Variants in CHKA observed in about 807,000 individuals in gnomAD.
CHKA encodes the protein choline kinase alpha, also known as CHETK-alpha.
In CHKA, 34 loss-of-function variants were observed where a neutral mutation model predicts 60.1. The ratio of observed to expected loss-of-function variants is 0.57; its 90% CI spans 0.43 to 0.75. CHKA has a LOEUF of 0.75. Among genes scored for constraint, CHKA ranks in the 30% least tolerant of loss-of-function variants. The probability of loss-of-function intolerance (pLI) is 0.00; values close to 1 mark genes in which losing one functional copy is unlikely to be tolerated. For missense variants in CHKA, 563 were observed against 561.3 expected, an observed-to-expected ratio of 1.00 and a Z score of -0.03; for synonymous variants, 217 against 223.1, an observed-to-expected ratio of 0.97 and a Z score of 0.24.
intron 11 of CHKA, among the ~76,000 whole-genome samples, chr11:68,055,548 G>A (rs968474947): frequency 3.9e-5 from 6 of 152,224 alleles, no homozygotes; most frequent in African/African-American, 7.2e-5. Flanking sequence ...CCCAGCAGCA[G>A]CGCATGCGCA....
Position 68,120,927 on chromosome 11 carries a change from TC to T in CHKA, c.250del (p.Glu84SerfsTer71). The T allele has an allele frequency of 8.3e-7, 1 of 1,200,374 alleles. No individual in the cohort carries two copies. The highest frequency in any genetic ancestry group is 3.0e-5 in the South Asian group (1 of 32,958). The allele number at this position is 1,200,374 out of a possible 1,614,324, so 74.4% of individuals were successfully genotyped here. A position where few individuals can be genotyped will look rare whatever the true frequency, so the allele number is the denominator to read the frequency against. On this transcript the variant is annotated frameshift_variant, in exon 1 of 12. Transcript: ENST00000265689. LOFTEE classifies it high-confidence loss of function. ...ATAGGCCCTGCGCCGCGTCCGGGGCTCCGGCTGCTCGTCTGCGGGCGGCTGC... is the reference window on the plus strand; with the variant it reads ...ATAGGCCCTGCGCCGCGTCCGGGGCTCGGCTGCTCGTCTGCGGGCGGCTGC... ...PPQPPADEQP[E>X]PRTRRRAYLW...
intron 2 of CHKA, among the ~76,000 whole-genome samples, chr11:68,083,207 C>A (rs1225295549): frequency 6.6e-6 from 1 of 152,110 alleles, no homozygotes; most frequent in Non-Finnish European, 1.5e-5. Flanking sequence ...AGTGGTATAG[C>A]ACGAGGCAAG....
intron 1 of CHKA, among the ~76,000 whole-genome samples, chr11:68,113,018 C>T (rs1043231647): frequency 8.2e-6 from 1 of 121,470 alleles, no homozygotes; most frequent in African/African-American, 3.1e-5. Context: ...GGAGACGGAG[C>T]TTGCAGTGAG....
Position 68,097,126 on chromosome 11 carries a change from C to A in CHKA, c.355G>T (p.Gly119Cys). The change falls in exon 2 of 12, where the codon GGC becomes TGC. Residue 119 changes from glycine (G) to cysteine (C), a missense_variant. Coordinates refer to ENST00000265689, the MANE Select transcript of CHKA (RefSeq NM_001277.3). Reference protein sequence around the residue: ...DEFHISVIRGGLSNMLFQCSL... With the variant: ...DEFHISVIRGCLSNMLFQCSL... The stretch of plus-strand genomic sequence containing the variant: ...CACTGGAACAGCATGTTGCTAAGGC[C>A]GCCTCTGTCAGAAATAAGAGGACAG... 1 of 1,612,226 alleles carries A rather than the reference C, an allele frequency of 6.2e-7. No homozygotes were observed. Among genetic ancestry groups the A allele is most frequent in the Non-Finnish European group, 8.5e-7 (1 of 1,178,944 alleles).
chr11:68,053,916 GCA>G lies in CHKA; in HGVS notation c.*70_*71del. ...TCCTGCCACAGGAGCAGTAGTCGAAGCACAGAGGGGACCCCGCTCTGCTGCCT... is the reference window on the plus strand; with the variant it reads ...TCCTGCCACAGGAGCAGTAGTCGAAGCAGAGGGGACCCCGCTCTGCTGCCT... On this transcript the variant is annotated 3_prime_UTR_variant, in exon 12 of 12. Coordinates refer to ENST00000265689, the MANE Select transcript of CHKA (RefSeq NM_001277.3). 1 of 1,339,978 alleles carries G rather than the reference GCA, an allele frequency of 7.5e-7. No individual in the cohort carries two copies. The highest frequency in any genetic ancestry group is 1.8e-5 in the Admixed American group (1 of 56,562). The allele number at this position is 1,339,978 out of a possible 1,614,324, so 83.0% of individuals were successfully genotyped here.
chr11:68,099,419 GTTT>G (rs972768039), intron 1 of CHKA, among the ~76,000 whole-genome samples: 1 of 152,292 alleles, frequency 6.6e-6, no homozygotes, highest in East Asian at 1.9e-4. Context: ...TATTTAAGAG[GTTT>G]TTTCAAAGGT....
intron 1 of CHKA, among the ~76,000 whole-genome samples, chr11:68,120,431 G>A (rs1453171001): frequency 6.6e-6 from 1 of 152,174 alleles, no homozygotes; most frequent in Non-Finnish European, 1.5e-5. Flanking sequence ...AAGTTAAAAA[G>A]TGGTTTGTGT....
intron 7 of CHKA, among the ~76,000 whole-genome samples, chr11:68,068,289 G>A (rs1365304768): frequency 6.6e-6 from 1 of 151,694 alleles, no homozygotes; most frequent in East Asian, 1.9e-4. Flanking sequence ...TGCTTTTTCA[G>A]GTTAAAAAAA....
At chr11:68,090,429 C>T (rs2511436) in intron 2 of CHKA, among the ~76,000 whole-genome samples, 5,158 of 152,216 alleles carry the variant, frequency 0.034, 292 homozygotes, top group African/African-American at 0.12. Context: ...ATGACTCCTT[C>T]AAGGAGTACC....
chr11:68,101,366 A>G (rs1053795191), intron 1 of CHKA, among the ~76,000 whole-genome samples: 1 of 152,226 alleles, frequency 6.6e-6, no homozygotes, highest in Admixed American at 6.5e-5. Flanking sequence ...TTGGAAATGA[A>G]GTTAAATTAT....
At position 68,106,260 on chromosome 11, in the gene CHKA, G is replaced by A. The variant is rs564218394; in HGVS notation, c.351-9130C>T. 7.2e-5 allele frequency among the ~76,000 whole-genome samples: 11 copies of A among 152,296 alleles called. No homozygotes were observed. The East Asian group carries it at 1.3e-3, about 19-fold the overall frequency. On this transcript the variant is annotated intron_variant, in intron 1 of 11. Coordinates refer to ENST00000265689, the MANE Select transcript of CHKA (RefSeq NM_001277.3). Reference sequence around the variant, plus strand: ...GCCAGGAGGTACCATTAAAAGAACAGGCTAGGCCAAGCACAGTGGCTAACA... The same window carrying A: ...GCCAGGAGGTACCATTAAAAGAACAAGCTAGGCCAAGCACAGTGGCTAACA...
At chr11:68,108,914 C>G (rs1397789395) in intron 1 of CHKA, among the ~76,000 whole-genome samples, 1 of 152,020 alleles carries the variant, frequency 6.6e-6, no homozygotes, top group Non-Finnish European at 1.5e-5. Flanking sequence ...GTGTGGACAA[C>G]TGTGAGAGTT....
At chr11:68,118,384 T>C (rs1590890703) in intron 1 of CHKA, among the ~76,000 whole-genome samples, 1 of 151,974 alleles carries the variant, frequency 6.6e-6, no homozygotes. Flanking sequence ...GAGGCTACAG[T>C]GAGCTGTGAT....
chr11:68,108,644 T>A (rs1451042247), intron 1 of CHKA, among the ~76,000 whole-genome samples: 1 of 152,022 alleles, frequency 6.6e-6, no homozygotes, highest in African/African-American at 2.4e-5. Context: ...CTTGGGAGGC[T>A]GAGGCAAGAG....
At chr11:68,110,498 T>C (rs544478689) in intron 1 of CHKA, among the ~76,000 whole-genome samples, 1 of 152,286 alleles carries the variant, frequency 6.6e-6, no homozygotes, top group Non-Finnish European at 1.5e-5. Context: ...TTACCATTTA[T>C]ATGAGCACCC....
intron 1 of CHKA, among the ~76,000 whole-genome samples, chr11:68,099,659 T>C (rs753330462): frequency 2.0e-5 from 3 of 152,318 alleles, no homozygotes; most frequent in Middle Eastern, 6.8e-3. Flanking sequence ...GCCTCAACTG[T>C]GTGGCTTATC....
chr11:68,105,514 C>CAAAAAAAAAAAAAAAA (rs1170085830), intron 1 of CHKA, among the ~76,000 whole-genome samples: 7 of 64,950 alleles, frequency 1.1e-4, no homozygotes, highest in Non-Finnish European at 1.7e-4. Flanking sequence ...GACTCCATCT[C>CAAAAAAAAAAAAAAAA]AAAAAAAAAA....
intron 7 of CHKA, among the ~76,000 whole-genome samples, chr11:68,067,830 G>C (rs1270410099): frequency 6.6e-6 from 1 of 152,238 alleles, no homozygotes; most frequent in African/African-American, 2.4e-5. Flanking sequence ...GCGATGAGCA[G>C]CTAATTAGTA....
At chr11:68,111,613 G>A (rs889743849) in intron 1 of CHKA, among the ~76,000 whole-genome samples, 1 of 152,014 alleles carries the variant, frequency 6.6e-6, no homozygotes, top group African/African-American at 2.4e-5. Flanking sequence ...GTGTGGTATT[G>A]GCAAAAGAAA....
Sources: gnomAD v4.1 joint callset for allele counts (sites outside exome capture counted in the v4.1 genomes callset) on GRCh38, gnomAD v4.1.1 for gene constraint, MANE v1.5 for transcripts, NCBI Gene and HGNC (gene_info 2026-07-23, HGNC 2026-07-21) for gene names.